FARP2: variants seen among roughly 807,000 people sequenced by gnomAD.
FARP2 encodes FERM, ARHGEF and pleckstrin domain-containing protein 2.
FARP2 carries 111 observed loss-of-function variants against 130.5 expected under a neutral mutation model. The observed-to-expected ratio is 0.85, with a 90% CI of 0.73 to 1.00. The LOEUF (loss-of-function observed/expected upper bound fraction) is 1.00. Ranked by LOEUF, FARP2 falls within the 50% of genes least tolerant of loss-of-function variation. FARP2 has a pLI of 0.00. For missense variants in FARP2, 1,385 were observed against 1,346.3 expected (o/e 1.03, Z -0.45); for synonymous variants, 504 against 516.9 (o/e 0.98, Z 0.34).
At chr2:241,371,360 T>A (rs1410620288) in intron 1 of FARP2, among the ~76,000 whole-genome samples, 4 of 152,154 alleles carry the variant, frequency 2.6e-5, no homozygotes, top group African/African-American at 9.7e-5. Flanking sequence ...GGCGCATGCC[T>A]GTGGTCCCAG....
At position 241,484,351 on chromosome 2, in the gene FARP2, G is replaced by A; in HGVS notation, c.2421+20G>A. ...ATGCTGGTGAGTGGTCTTGCACCCT[G>A]CCTGGGATTTCCACGTGGTGCTGGG... On this transcript the variant is annotated intron_variant, in intron 21 of 26. Transcript: ENST00000264042. The A allele has an allele frequency of 6.2e-7, 1 of 1,606,744 alleles. No homozygotes were observed. The highest frequency in any genetic ancestry group is 2.2e-5 in the East Asian group (1 of 44,826).
In FARP2 at chr2:241,494,485, C is replaced by G; in HGVS notation, c.*360C>G. The G allele has an allele frequency of 5.9e-6, 1 of 169,398 alleles. No individual in the cohort carries two copies. The highest frequency in any genetic ancestry group is 1.3e-5 in the Non-Finnish European group (1 of 79,642). 10.5% of individuals were successfully genotyped at this position (169,398 alleles called of 1,614,324 possible). On this transcript the variant is annotated 3_prime_UTR_variant, in exon 27 of 27. Transcript: ENST00000264042. This position sits in a 1 kb window ranked among gnomAD's most constrained non-coding sequence, Gnocchi z 4.9. ...CCTGCCTCTCTCCCCAGAGCAGGGT[C>G]CCTGCCGAGGACTGGCCTAGAGCAA... is the stretch of plus-strand genomic sequence containing the variant.
chr2:241,478,215 G>A (rs2064523053), intron 19 of FARP2: 1 of 155,462 alleles, frequency 6.4e-6, no homozygotes, highest in African/African-American at 2.4e-5. Context: ...TAGGAGCATT[G>A]CTTGAGCCCA....
intron 1 of FARP2, among the ~76,000 whole-genome samples, chr2:241,364,066 A>G (rs1196643507): frequency 6.6e-6 from 1 of 152,202 alleles, no homozygotes; most frequent in East Asian, 1.9e-4. Context: ...TGCAGATGTA[A>G]TGAAGGGTAC....
At chr2:241,437,658 A>ATTTTTTTT (rs1478318608) in intron 12 of FARP2, among the ~76,000 whole-genome samples, 34 of 134,356 alleles carry the variant, frequency 2.5e-4, no homozygotes, top group African/African-American at 7.6e-4. Flanking sequence ...ATATTTATTT[A>ATTTTTTTT]TTTATTTATT....
At chr2:241,481,606 C>CT (rs1415906551) in intron 19 of FARP2, among the ~76,000 whole-genome samples, 1 of 152,220 alleles carries the variant, frequency 6.6e-6, no homozygotes, top group African/African-American at 2.4e-5. Flanking sequence ...GGCTGCATAG[C>CT]TTTGAGCTGT....
At chr2:241,370,566 C>T (rs1197454760) in intron 1 of FARP2, among the ~76,000 whole-genome samples, 1 of 152,012 alleles carries the variant, frequency 6.6e-6, no homozygotes, top group Non-Finnish European at 1.5e-5. Context: ...GAAAAAAAAT[C>T]ACATACCCCA....
At chr2:241,462,645 TTA>T in intron 15 of FARP2, 33 bp downstream of exon 15, 2 of 1,378,826 alleles carry the variant, frequency 1.5e-6, no homozygotes, top group Non-Finnish European at 2.1e-6. Context: ...TGATTTTTTT[TTA>T]AAATAAATCT....
chr2:241,421,956 C>T (rs2062819315), intron 8 of FARP2, among the ~76,000 whole-genome samples: 1 of 152,008 alleles, frequency 6.6e-6, no homozygotes, highest in Non-Finnish European at 1.5e-5. Flanking sequence ...CCAGCCTGGA[C>T]AACATGTTGA....
intron 18 of FARP2, among the ~76,000 whole-genome samples, chr2:241,470,500 C>G (rs2064278480): frequency 6.7e-6 from 1 of 148,440 alleles, no homozygotes; most frequent in East Asian, 2.0e-4. Flanking sequence ...TGAGGAGATT[C>G]TGTTCTAAGG....
chr2:241,455,693 T>C (rs1179450886), intron 13 of FARP2, among the ~76,000 whole-genome samples: 7 of 151,972 alleles, frequency 4.6e-5, no homozygotes, highest in Non-Finnish European at 7.4e-5. Context: ...TTGGTGATTT[T>C]TAAACAGCAG....
chr2:241,375,648 C>T (rs191478383), intron 2 of FARP2, among the ~76,000 whole-genome samples: 137 of 152,234 alleles, frequency 9.0e-4, no homozygotes, highest in Non-Finnish European at 2.6e-4. Flanking sequence ...TTAAATATAA[C>T]CGTCATGTTT....
intron 2 of FARP2, among the ~76,000 whole-genome samples, chr2:241,400,243 G>C (rs112536725): frequency 1.8e-4 from 28 of 152,182 alleles, no homozygotes; most frequent in African/African-American, 6.7e-4. Flanking sequence ...GTACAGCTAA[G>C]AGAATTTCAT....
In FARP2 at chr2:241,468,158, CAA is replaced by C; in HGVS notation, c.1914_1915del (p.Arg639ThrfsTer2). On this transcript the variant is annotated frameshift_variant, in exon 18 of 27. Coordinates refer to ENST00000264042, the MANE Select transcript of FARP2 (RefSeq NM_014808.4). LOFTEE classifies it high-confidence loss of function. ...TCCACAGGAGTTTACCAGCTACTTCCAAAGACATGACGAGGTCCTAACAGAAC... is the reference window on the plus strand; with the variant it reads ...TCCACAGGAGTTTACCAGCTACTTCCAGACATGACGAGGTCCTAACAGAAC... ...RQLKEFTSYF[Q>X]RHDEVLTELE... The C allele has an allele frequency of 6.2e-7, 1 of 1,613,566 alleles. No homozygotes were observed. The highest frequency in any genetic ancestry group is 8.5e-7 in the Non-Finnish European group (1 of 1,179,564).
chr2:241,429,594 A>G (rs1024857626), intron 8 of FARP2, among the ~76,000 whole-genome samples: 4 of 152,078 alleles, frequency 2.6e-5, no homozygotes, highest in African/African-American at 9.7e-5. Context: ...GCTTTTCTGT[A>G]TACAAAGTTG....
chr2:241,375,732 A>G (rs375845817), intron 2 of FARP2, among the ~76,000 whole-genome samples: 77 of 152,212 alleles, frequency 5.1e-4, no homozygotes, highest in African/African-American at 1.7e-3. Context: ...ATGGTCTTGC[A>G]TATTCTGAAT....
rs1484189195 is a variant in FARP2 at position 241,463,374 on chromosome 2, G to A, written c.1717G>A (p.Ala573Thr). Reference protein sequence around the residue: ...SAVVKEDAMPATLMTLLFSNI... With the variant: ...SAVVKEDAMPTTLMTLLFSNI... Reference sequence around the variant, plus strand: ...AGTGGTGAAGGAGGACGCCATGCCTGCGACTCTGATGACGCTGCTCTTCTC... The same window carrying A: ...AGTGGTGAAGGAGGACGCCATGCCTACGACTCTGATGACGCTGCTCTTCTC... Residue 573 changes from alanine (A) to threonine (T), a missense_variant, in exon 16 of 27, where the codon GCG becomes ACG. Physicochemically the swap from Ala to Thr is moderately conservative, Grantham distance 58 (BLOSUM62 0). Transcript: ENST00000264042. 6.2e-7 allele frequency: 1 copy of A among 1,614,128 alleles called. No individual in the cohort carries two copies. The highest frequency in any genetic ancestry group is 8.5e-7 in the Non-Finnish European group (1 of 1,180,020).
intron 18 of FARP2, among the ~76,000 whole-genome samples, chr2:241,469,754 C>G (rs921988604): frequency 6.6e-6 from 1 of 152,222 alleles, no homozygotes; most frequent in African/African-American, 2.4e-5. Flanking sequence ...GAAGCCATGC[C>G]ATGGAGAAGA....
chr2:241,458,783 G>A (rs191445654), intron 14 of FARP2, among the ~76,000 whole-genome samples: 198 of 152,318 alleles, frequency 1.3e-3, no homozygotes, highest in Non-Finnish European at 2.4e-3. Context: ...TGGTTCTATA[G>A]GATGACAGCT....
Sources: gnomAD v4.1 joint callset for allele counts (sites outside exome capture counted in the v4.1 genomes callset) on GRCh38, gnomAD v4.1.1 for gene constraint, Gnocchi (gnomAD v3.1) non-coding constraint, MANE v1.5 for transcripts, NCBI Gene and HGNC (gene_info 2026-07-23, HGNC 2026-07-21) for gene names.